GGNBP2: variants seen among roughly 807,000 people sequenced by gnomAD.
GGNBP2 encodes gametogenetin-binding protein 2.
Under a neutral mutation model 85.9 loss-of-function variants are expected in GGNBP2, and 10 were observed. The ratio of observed to expected loss-of-function variants is 0.12; its 90% CI spans 0.07 to 0.20. GGNBP2 has a LOEUF of 0.20. Among genes scored for constraint, GGNBP2 ranks in the 10% least tolerant of loss-of-function variants. The probability of loss-of-function intolerance (pLI) is 1.00; values close to 1 mark genes in which losing one functional copy is unlikely to be tolerated. For missense variants in GGNBP2, 595 were observed against 857.8 expected, an observed-to-expected ratio of 0.69 and a Z score of 3.83; for synonymous variants, 287 against 285.7, an observed-to-expected ratio of 1.00 and a Z score of -0.05.
chr17:36,585,256 A>G, intron 9 of GGNBP2, 44 bp from the exon 10 acceptor site: 1 of 1,539,810 alleles, frequency 6.5e-7, no homozygotes, highest in Non-Finnish European at 8.9e-7. Flanking sequence ...TGTAGCTGTT[A>G]TGGAGTAAAG....
At chr17:36,562,023 A>G (rs2074422067) in intron 5 of GGNBP2, among the ~76,000 whole-genome samples, 2 of 152,190 alleles carry the variant, frequency 1.3e-5, no homozygotes, top group South Asian at 4.1e-4. Flanking sequence ...TTCTCCCAGC[A>G]CAGTGCCATA....
intron 4 of GGNBP2, among the ~76,000 whole-genome samples, chr17:36,557,862 C>A (rs1226967829): frequency 6.6e-6 from 1 of 152,022 alleles, no homozygotes; most frequent in East Asian, 1.9e-4. Context: ...GCCTGTAATC[C>A]CAGCACTTTG....
chr17:36,573,877 G>A (rs1367266351), intron 6 of GGNBP2, among the ~76,000 whole-genome samples: 1 of 151,950 alleles, frequency 6.6e-6, no homozygotes, highest in Non-Finnish European at 1.5e-5. Flanking sequence ...TTACTTTTAA[G>A]TTATTTTATT....
intron 5 of GGNBP2, among the ~76,000 whole-genome samples, chr17:36,566,901 C>G (rs1207489190): frequency 6.6e-6 from 1 of 151,758 alleles, no homozygotes; most frequent in Non-Finnish European, 1.5e-5. Context: ...CATGGTGGCT[C>G]ACACCTGTAA....
rs776677029 is a variant in GGNBP2 at position 36,575,613 on chromosome 17, CATATATATATATATATAT to C, written c.642-2351_642-2334del. On this transcript the variant is annotated intron_variant, in intron 6 of 13. Transcript: ENST00000613102. Reference sequence around the variant, plus strand: ...AGTGGGCTTAGAGCCTCTAATGTAACATATATATATATATATATATATATATATATATATATTTTTTTT... The same window carrying C: ...AGTGGGCTTAGAGCCTCTAATGTAACATATATATATATATATATTTTTTTT... Among the ~76,000 whole-genome samples, 294 of 66,942 alleles carry C rather than the reference CATATATATATATATATAT, an allele frequency of 4.4e-3. 4 individuals carry two copies. Among genetic ancestry groups the C allele is most frequent in the Middle Eastern group, 0.031 (3 of 98 alleles). 43.9% of individuals were successfully genotyped at this position (66,942 alleles called of 152,430 possible).
chr17:36,556,720 A>T (rs150935793), intron 3 of GGNBP2, among the ~76,000 whole-genome samples: 3,527 of 149,458 alleles, frequency 0.024, 57 homozygotes, highest in South Asian at 0.065. Context: ...AAAAACAAAC[A>T]AACTTAAAAA....
At chr17:36,584,953 A>C (rs529364856) in intron 9 of GGNBP2, among the ~76,000 whole-genome samples, 2 of 49,694 alleles carry the variant, frequency 4.0e-5, no homozygotes, top group South Asian at 1.0e-3. Context: ...GACCGTACTC[A>C]AAAAAAAAAA....
chr17:36,575,648 A>ATATATATATATATTTT (rs374366757), intron 6 of GGNBP2, among the ~76,000 whole-genome samples: 6 of 54,912 alleles, frequency 1.1e-4, no homozygotes, highest in East Asian at 6.3e-4. Context: ...ATATATATAT[A>ATATATATATATATTTT]TTTTTTTTTT....
chr17:36,581,007 G>A (rs577136376), intron 8 of GGNBP2, among the ~76,000 whole-genome samples: 22 of 150,164 alleles, frequency 1.5e-4, no homozygotes, highest in African/African-American at 4.4e-4. Flanking sequence ...CAAAGGGACC[G>A]GGCACGGTGG....
intron 6 of GGNBP2, among the ~76,000 whole-genome samples, chr17:36,573,015 C>T (rs1340965817): frequency 6.6e-6 from 1 of 152,152 alleles, no homozygotes; most frequent in Non-Finnish European, 1.5e-5. Flanking sequence ...TATGTTGTAG[C>T]ATATGACAGG....
Position 36,589,292 on chromosome 17 carries a change from T to C in GGNBP2, c.1975T>C (p.Tyr659His). Reference protein sequence around the residue: ...QSFMANNQSFYSNREQYRQHL... With the variant: ...QSFMANNQSFHSNREQYRQHL... ...ATTTATGGCTAATAACCAGTCTTTC[T>C]ACAGCAATAGAGAACAATACCGACA... is the stretch of plus-strand genomic sequence containing the variant. The change falls in exon 14 of 14, where the codon TAC becomes CAC. Residue 659 changes from tyrosine to histidine, a missense_variant. By Grantham distance (83) the Tyr-to-His change is moderately conservative. Coordinates refer to ENST00000613102, the MANE Select transcript of GGNBP2 (RefSeq NM_024835.5). 6.2e-7 allele frequency: 1 copy of C among 1,613,008 alleles called. No individual in the cohort carries two copies. The highest frequency in any genetic ancestry group is 8.5e-7 in the Non-Finnish European group (1 of 1,178,986).
intron 2 of GGNBP2, among the ~76,000 whole-genome samples, chr17:36,552,227 G>GT (rs1438645068): frequency 6.6e-6 from 1 of 152,172 alleles, no homozygotes; most frequent in African/African-American, 2.4e-5. Context: ...TGACTTGACA[G>GT]TTAAATTTTT....
chr17:36,568,735 G>C (rs1031998453), intron 6 of GGNBP2, among the ~76,000 whole-genome samples: 13 of 151,808 alleles, frequency 8.6e-5, no homozygotes, highest in African/African-American at 3.1e-4. Flanking sequence ...TTTCTTTATA[G>C]AACACTACTT....
chr17:36,579,872 G>A (rs1368471730), intron 8 of GGNBP2, among the ~76,000 whole-genome samples: 4 of 152,024 alleles, frequency 2.6e-5, no homozygotes, highest in African/African-American at 4.8e-5. Context: ...TTAGCTGGGC[G>A]TGGTGGCGGG....
chr17:36,578,928 G>A lies in GGNBP2; in HGVS notation c.846-317G>A, dbSNP rs928205447. ...AAAAATGTTTTGCTATAATTGGAAA[G>A]TAAAAGGAACTGTTGTGTCTACTAT... On this transcript the variant is annotated intron_variant, in intron 7 of 13. Coordinates refer to ENST00000613102, the MANE Select transcript of GGNBP2 (RefSeq NM_024835.5). The A allele has an allele frequency of 1.5e-5, 3 of 206,382 alleles. 1 individual carries two copies. The highest frequency in any genetic ancestry group is 1.6e-4 in the South Asian group (1 of 6,346). 12.8% of individuals were successfully genotyped at this position (206,382 alleles called of 1,614,324 possible).
chr17:36,579,113 G>A (rs998813042), intron 7 of GGNBP2, 132 bp from the exon 8 acceptor site: 6 of 689,212 alleles, frequency 8.7e-6, no homozygotes, highest in East Asian at 5.1e-5. Context: ...CAACATATAC[G>A]TTGAGTGTAA....
At chr17:36,545,466 G>T (rs1291586483) in intron 1 of GGNBP2, 153 bp from the exon 2 acceptor site, 2 of 407,490 alleles carry the variant, frequency 4.9e-6, no homozygotes, top group Non-Finnish European at 8.7e-6. Context: ...GGTCCCGGCG[G>T]CGCTGGGCGC....
intron 13 of GGNBP2, 56 bp downstream of exon 13, chr17:36,587,301 G>A: frequency 6.4e-7 from 1 of 1,574,562 alleles, no homozygotes; most frequent in South Asian, 1.1e-5. Context: ...GGGTGGATGT[G>A]GGAGGGGATA....
chr17:36,586,241 G>A, intron 12 of GGNBP2, 43 bp downstream of exon 12: 1 of 1,584,566 alleles, frequency 6.3e-7, no homozygotes, highest in East Asian at 2.3e-5. Context: ...TGCTGTTGAG[G>A]ACAGAACACG....
Sources: gnomAD v4.1 joint callset for allele counts (sites outside exome capture counted in the v4.1 genomes callset) on GRCh38, gnomAD v4.1.1 for gene constraint, MANE v1.5 for transcripts, NCBI Gene and HGNC (gene_info 2026-07-23, HGNC 2026-07-21) for gene names.